PADI4: variants seen among roughly 807,000 people sequenced by gnomAD.
PADI4 encodes the protein protein-arginine deiminase type-4.
In PADI4, 62 loss-of-function variants were observed where a neutral mutation model predicts 75.0. The ratio of observed to expected loss-of-function variants is 0.83; its 90% CI spans 0.67 to 1.02. PADI4 has a LOEUF of 1.02. Among genes scored for constraint, PADI4 ranks in the 50% least tolerant of loss-of-function variants. PADI4 has a pLI of 0.00. For missense variants in PADI4, 845 were observed against 850.5 expected, an observed-to-expected ratio of 0.99 and a Z score of 0.08; for synonymous variants, 361 against 348.1, an observed-to-expected ratio of 1.04 and a Z score of -0.41.
chr1:17,310,419 C>G (rs1361290403), intron 1 of PADI4, among the ~76,000 whole-genome samples: 1 of 152,170 alleles, frequency 6.6e-6, no homozygotes, highest in East Asian at 1.9e-4. Flanking sequence ...CCTCCCATCT[C>G]CTGAGCAGCC....
intron 15 of PADI4, 75 bp downstream of exon 15, chr1:17,359,483 C>T (rs947879151): frequency 1.1e-5 from 17 of 1,598,448 alleles, no homozygotes; most frequent in African/African-American, 8.1e-5. Context: ...GTGGGGCACC[C>T]GGGCGGTCCC....
chr1:17,358,256 A>G (rs922271257), intron 13 of PADI4, among the ~76,000 whole-genome samples: 2 of 150,100 alleles, frequency 1.3e-5, no homozygotes, highest in Non-Finnish European at 3.0e-5. Context: ...TCAAAACAAA[A>G]AAAAAATTAC....
rs1017713622 is a variant in PADI4 at position 17,346,645 on chromosome 1, C to T, written c.1047+506C>T. 3.3e-5 allele frequency among the ~76,000 whole-genome samples: 5 copies of T among 152,276 alleles called. No homozygotes were observed. The highest frequency in any genetic ancestry group is 1.2e-4 in the African/African-American group (5 of 41,548). ...ATTACCAGTCTCTGTTTCCGTGCCA[C>T]TCCCCCATCATGCCAGGAGTGCCCC... On this transcript the variant is annotated intron_variant, in intron 9 of 15. Coordinates refer to ENST00000375448, the MANE Select transcript of PADI4 (RefSeq NM_012387.3). The surrounding 1 kb of genome is among the most constrained non-coding windows in gnomAD (Gnocchi z 4.3).
chr1:17,342,067 C>G lies in PADI4; in HGVS notation c.777C>G (p.Thr259=). 2 of 1,614,080 alleles carry G rather than the reference C, an allele frequency of 1.2e-6. No homozygotes were observed. Among genetic ancestry groups the G allele is most frequent in the South Asian group, 2.2e-5 (2 of 91,080 alleles). The change falls in exon 7 of 16, where the codon ACC becomes ACG. Residue 259 remains threonine, a synonymous_variant. Transcript: ENST00000375448. The part of the protein sequence containing the change: ...FYVEALAFPD[T]DFPGLITLTI... ...TGGAGGCCCTCGCTTTCCCGGACACCGACTTCCCGGGGCTCATTACCCTCA... is the reference window on the plus strand; with the variant it reads ...TGGAGGCCCTCGCTTTCCCGGACACGGACTTCCCGGGGCTCATTACCCTCA...
Position 17,346,787 on chromosome 1 carries a change from C to G in PADI4, c.1047+648C>G, listed in dbSNP as rs1281436126. On this transcript the variant is annotated intron_variant, in intron 9 of 15. Transcript: ENST00000375448. This position sits in a 1 kb window ranked among gnomAD's most constrained non-coding sequence, Gnocchi z 4.3. Reference sequence around the variant, plus strand: ...ACCCCTGCGGTGCTGTCTCTTGGACCCATCTCCCCATTCCCATCCCCCATC... The same window carrying G: ...ACCCCTGCGGTGCTGTCTCTTGGACGCATCTCCCCATTCCCATCCCCCATC... Among the ~76,000 whole-genome samples, 1 of 152,024 alleles carries G rather than the reference C, an allele frequency of 6.6e-6. No individual in the cohort carries two copies. The highest frequency in any genetic ancestry group is 2.4e-5 in the African/African-American group (1 of 41,372).
chr1:17,321,181 G>A (rs1347154305), intron 1 of PADI4, among the ~76,000 whole-genome samples: 1 of 152,154 alleles, frequency 6.6e-6, no homozygotes, highest in Non-Finnish European at 1.5e-5. Flanking sequence ...GGGCTGGATT[G>A]GATTCTGCAA....
chr1:17,329,970 A>G (rs1315596864), intron 1 of PADI4, among the ~76,000 whole-genome samples: 2 of 152,230 alleles, frequency 1.3e-5, no homozygotes, highest in African/African-American at 2.4e-5. Context: ...TTTAAAAAGT[A>G]TATTTTATCC....
chr1:17,350,975 C>T (rs2074606041), intron 10 of PADI4, among the ~76,000 whole-genome samples: 1 of 124,800 alleles, frequency 8.0e-6, no homozygotes, highest in Non-Finnish European at 1.8e-5. Flanking sequence ...TTGTTTGAAC[C>T]CAGGAGTTTG....
chr1:17,328,769 CT>C (rs973296837), intron 1 of PADI4, among the ~76,000 whole-genome samples: 7 of 151,986 alleles, frequency 4.6e-5, no homozygotes, highest in Non-Finnish European at 1.0e-4. Flanking sequence ...TATATTCTGC[CT>C]TTTTTATCCC....
chr1:17,329,941 C>T (rs1414802374), intron 1 of PADI4, among the ~76,000 whole-genome samples: 1 of 152,186 alleles, frequency 6.6e-6, no homozygotes, highest in African/African-American at 2.4e-5. Flanking sequence ...TACCTTATTT[C>T]TCATGAGTTC....
intron 9 of PADI4, among the ~76,000 whole-genome samples, chr1:17,347,031 G>A (rs1474647354): frequency 4.6e-5 from 7 of 151,508 alleles, no homozygotes; most frequent in Non-Finnish European, 5.9e-5. Flanking sequence ...TCTGCCTCCC[G>A]GGTTCAAATG....
chr1:17,331,197 G>C, intron 2 of PADI4, 48 bp downstream of exon 2: 1 of 1,488,744 alleles, frequency 6.7e-7, no homozygotes. Context: ...CTTCAGCAGG[G>C]CAGCCACACA....
chr1:17,353,246 C>T (rs1040419900), intron 10 of PADI4, among the ~76,000 whole-genome samples: 8 of 152,050 alleles, frequency 5.3e-5, no homozygotes, highest in Non-Finnish European at 8.8e-5. Context: ...GAAGATTGAG[C>T]CCAGGAGTTT....
chr1:17,325,651 A>C (rs2074105635), intron 1 of PADI4, among the ~76,000 whole-genome samples: 1 of 150,138 alleles, frequency 6.7e-6, no homozygotes, highest in Non-Finnish European at 1.5e-5. Context: ...CTCTTGCTGC[A>C]GTGCTTAGAA....
chr1:17,339,856 G>A lies in PADI4; in HGVS notation c.652+43G>A, dbSNP rs373631997. The A allele has an allele frequency of 7.1e-6, 11 of 1,552,132 alleles. No homozygotes were observed. In the East Asian group the frequency reaches 1.9e-4, roughly 27 times the overall value. On this transcript the variant is annotated intron_variant, in intron 6 of 15. Transcript: ENST00000375448. ...TTGTTCCCCTCCTGCCCTGGCCAAC[G>A]GGGCACAATCCTGTCACACAGCTGT... is the stretch of plus-strand genomic sequence containing the variant.
chr1:17,345,110 G>A (rs2074491731), intron 8 of PADI4, among the ~76,000 whole-genome samples: 1 of 152,254 alleles, frequency 6.6e-6, no homozygotes, highest in African/African-American at 2.4e-5. Context: ...TCTTGTGTCA[G>A]CATGACCTGG....
Position 17,354,668 on chromosome 1 carries a change from G to A in PADI4, c.1291G>A (p.Gly431Arg), listed in dbSNP as rs772704328. The A allele has an allele frequency of 1.0e-4, 162 of 1,609,508 alleles. 1 individual carries two copies. The Middle Eastern group carries it at 2.2e-3, about 21-fold the overall frequency. ...KEYPLGRILFGDSCYPSNDSR... is the reference protein window; with the variant it reads ...KEYPLGRILFRDSCYPSNDSR... ...ATACCCGCTGGGCAGGATTCTCTTC[G>A]GGGACAGCTGTTATCCCAGGTAAGG... Residue 431 changes from glycine to arginine, a missense_variant, in exon 11 of 16, where the codon GGG (glycine) becomes AGG (arginine). Physicochemically the swap from Gly to Arg is moderately radical, Grantham distance 125. Transcript: ENST00000375448.
At chr1:17,345,943 G>T in intron 8 of PADI4, 85 bp from the exon 9 acceptor site, 1 of 856,946 alleles carries the variant, frequency 1.2e-6, no homozygotes, top group Admixed American at 2.0e-5. Context: ...GGTGACCCCT[G>T]AGCCACCTGT....
At chr1:17,359,235 GA>G in intron 14 of PADI4, 44 bp from the exon 15 acceptor site, 2 of 219,392 alleles carry the variant, frequency 9.1e-6, no homozygotes, top group African/African-American at 7.1e-5. Context: ...CCCCACCCCC[GA>G]CTGCCATCAG....
Sources: gnomAD v4.1 joint callset for allele counts (sites outside exome capture counted in the v4.1 genomes callset) on GRCh38, gnomAD v4.1.1 for gene constraint, Gnocchi (gnomAD v3.1) non-coding constraint, MANE v1.5 for transcripts, NCBI Gene and HGNC (gene_info 2026-07-23, HGNC 2026-07-21) for gene names.